HMCN1: variants seen among roughly 807,000 people sequenced by gnomAD.
The protein encoded by HMCN1 is hemicentin 1.
HMCN1 carries 321 observed loss-of-function variants against 625.9 expected under a neutral mutation model. That is an observed-to-expected ratio of 0.51 (90% CI 0.47 to 0.56). The LOEUF (loss-of-function observed/expected upper bound fraction) is 0.56, where lower values mean the gene tolerates loss of function less well. HMCN1 is among the 20% of genes least tolerant of loss of function. HMCN1 has a pLI of 0.00. For synonymous variants in HMCN1, 2,425 were observed against 2,417.6 expected, an observed-to-expected ratio of 1.00 and a Z score of -0.09; for missense variants, 6,588 against 6,887.3, an observed-to-expected ratio of 0.96 and a Z score of 1.54.
At chr1:185,852,004 G>A (rs147339396) in intron 2 of HMCN1, among the ~76,000 whole-genome samples, 140 of 152,028 alleles carry the variant, frequency 9.2e-4, no homozygotes, top group African/African-American at 3.3e-3. Context: ...AAAAATATCT[G>A]GAAAAGCATT....
chr1:185,760,504 A>T (rs988594165), intron 1 of HMCN1, among the ~76,000 whole-genome samples: 6 of 152,152 alleles, frequency 3.9e-5, no homozygotes, highest in African/African-American at 1.4e-4. Flanking sequence ...TTGTTTGATA[A>T]CAATTCACTT....
At chr1:186,126,990 A>C (rs1366319684) in intron 82 of HMCN1, among the ~76,000 whole-genome samples, 2 of 152,146 alleles carry the variant, frequency 1.3e-5, no homozygotes, top group Non-Finnish European at 2.9e-5. Context: ...GCAGGATGTT[A>C]GCAGAGAAGA....
intron 1 of HMCN1, among the ~76,000 whole-genome samples, chr1:185,773,509 T>C (rs888344731): frequency 6.6e-6 from 1 of 152,174 alleles, no homozygotes; most frequent in Admixed American, 6.5e-5. Flanking sequence ...ATCTATCTTT[T>C]CATCAGCTTG....
intron 1 of HMCN1, among the ~76,000 whole-genome samples, chr1:185,811,381 A>C (rs1489411024): frequency 1.3e-5 from 2 of 152,074 alleles, no homozygotes; most frequent in Admixed American, 1.3e-4. Flanking sequence ...ATTCTCATAA[A>C]AGTGTGAGGA....
At chr1:185,780,577 A>T (rs1297507788) in intron 1 of HMCN1, among the ~76,000 whole-genome samples, 1 of 152,186 alleles carries the variant, frequency 6.6e-6, no homozygotes, top group Non-Finnish European at 1.5e-5. Flanking sequence ...AATTTTGTCG[A>T]AGGCCTTTTC....
chr1:185,860,651 G>C (rs925409660), intron 2 of HMCN1, among the ~76,000 whole-genome samples: 1 of 151,930 alleles, frequency 6.6e-6, no homozygotes, highest in African/African-American at 2.4e-5. Flanking sequence ...AATTTTCCTG[G>C]CTGCTTTGAG....
chr1:185,837,255 T>C (rs866975716), intron 1 of HMCN1, among the ~76,000 whole-genome samples: 1 of 151,910 alleles, frequency 6.6e-6, no homozygotes, highest in African/African-American at 2.4e-5. Flanking sequence ...GTACAAATAT[T>C]CCAGGTTTAT....
intron 22 of HMCN1, 21 bp from the exon 23 acceptor site, chr1:185,993,161 T>C (rs770170008): frequency 3.1e-6 from 5 of 1,608,114 alleles, no homozygotes; most frequent in Non-Finnish European, 4.3e-6. Context: ...CATGGTCTAC[T>C]ATATGGTTTC....
chr1:185,828,639 A>G (rs1660667751), intron 1 of HMCN1, among the ~76,000 whole-genome samples: 1 of 152,154 alleles, frequency 6.6e-6, no homozygotes, highest in South Asian at 2.1e-4. Flanking sequence ...TGGAGTGTTA[A>G]CAAGAGTCAA....
chr1:186,057,031 T>TCACACA (rs59926356), intron 45 of HMCN1, among the ~76,000 whole-genome samples: 185 of 148,028 alleles, frequency 1.2e-3, no homozygotes, highest in Middle Eastern at 3.5e-3. Flanking sequence ...TCCAGGAATG[T>TCACACA]CACACACACA....
chr1:185,999,243 T>A (rs528353817), intron 25 of HMCN1, among the ~76,000 whole-genome samples: 508 of 150,804 alleles, frequency 3.4e-3, no homozygotes, highest in African/African-American at 0.012. Flanking sequence ...TGTTTTTTAT[T>A]ATTATTATGG....
intron 11 of HMCN1, among the ~76,000 whole-genome samples, chr1:185,941,531 C>A (rs945611983): frequency 2.0e-5 from 3 of 152,032 alleles, no homozygotes; most frequent in Admixed American, 6.6e-5. Flanking sequence ...TCTTTCTGAA[C>A]CAAAATGAGG....
At chr1:185,987,858 C>CAAAA (rs3057352) in intron 20 of HMCN1, among the ~76,000 whole-genome samples, 25 of 119,564 alleles carry the variant, frequency 2.1e-4, no homozygotes, top group Middle Eastern at 8.3e-3. Flanking sequence ...AGCCCTGGTC[C>CAAAA]AAAAAAAAAA....
chr1:186,076,785 T>G (rs551462347), intron 54 of HMCN1, among the ~76,000 whole-genome samples, 163 bp downstream of exon 54: 27 of 152,210 alleles, frequency 1.8e-4, no homozygotes, highest in African/African-American at 6.5e-4. Flanking sequence ...TCTAGAAGAG[T>G]CTTGCTTGAG....
intron 1 of HMCN1, among the ~76,000 whole-genome samples, chr1:185,753,018 ATTAGT>A (rs921930120): frequency 4.6e-5 from 7 of 152,272 alleles, no homozygotes; most frequent in Middle Eastern, 3.4e-3. Context: ...TAATAAAAAG[ATTAGT>A]TTAACACTAG....
chr1:185,876,809 T>C (rs189536725), intron 4 of HMCN1, among the ~76,000 whole-genome samples: 2 of 152,210 alleles, frequency 1.3e-5, no homozygotes, highest in Admixed American at 6.5e-5. Context: ...ATCTGGATGT[T>C]AGTCCTTTGT....
intron 4 of HMCN1, among the ~76,000 whole-genome samples, chr1:185,898,982 G>A (rs1227125375): frequency 2.0e-5 from 3 of 152,096 alleles, no homozygotes; most frequent in Non-Finnish European, 2.9e-5. Flanking sequence ...GGTGAATGGA[G>A]ATTGAGTGAA....
At position 185,952,226 on chromosome 1, in the gene HMCN1, G is replaced by A. The variant is rs192875118; in HGVS notation, c.1829-10292G>A. ...AGGGTAAATTGCTGGGCAGGAGGGG[G>A]AGGGCTAGTCACGGAATGAAACTGT... On this transcript the variant is annotated intron_variant, in intron 11 of 106. Coordinates refer to ENST00000271588, the MANE Select transcript of HMCN1 (RefSeq NM_031935.3). Among the ~76,000 whole-genome samples the A allele has an allele frequency of 7.2e-5, 11 of 151,980 alleles. No individual in the cohort carries two copies. The East Asian group carries it at 1.2e-3, about 16-fold the overall frequency.
intron 81 of HMCN1, among the ~76,000 whole-genome samples, chr1:186,124,248 A>T (rs561572809): frequency 6.6e-6 from 1 of 152,220 alleles, no homozygotes; most frequent in South Asian, 2.1e-4. Flanking sequence ...AAAACCCCAA[A>T]CCCAGACAAC....
Sources: gnomAD v4.1 joint callset for allele counts (sites outside exome capture counted in the v4.1 genomes callset) on GRCh38, gnomAD v4.1.1 for gene constraint, MANE v1.5 for transcripts, NCBI Gene and HGNC (gene_info 2026-07-23, HGNC 2026-07-21) for gene names.